Variants in MIPOL1 observed in about 807,000 individuals in gnomAD.
MIPOL1 encodes the protein mirror-image polydactyly gene 1 protein.
In MIPOL1, 57 loss-of-function variants were observed where a neutral mutation model predicts 60.9. The observed-to-expected ratio is 0.94, with a 90% CI of 0.76 to 1.17. The LOEUF is 1.17. Among genes scored for constraint, MIPOL1 ranks in the 50% most tolerant of loss-of-function variants. MIPOL1 has a pLI of 0.00. For missense variants in MIPOL1, 551 were observed against 511.6 expected, an observed-to-expected ratio of 1.08 and a Z score of -0.74; for synonymous variants, 179 against 168.8, an observed-to-expected ratio of 1.06 and a Z score of -0.47.
chr14:37,318,266 C>G (rs2088149427), intron 9 of MIPOL1, among the ~76,000 whole-genome samples: 1 of 152,080 alleles, frequency 6.6e-6, no homozygotes, highest in South Asian at 2.1e-4. Context: ...CTTTGTGCTT[C>G]TTATAATTAG....
intron 9 of MIPOL1, among the ~76,000 whole-genome samples, chr14:37,312,303 G>A (rs922962808): frequency 3.3e-5 from 5 of 152,022 alleles, no homozygotes; most frequent in African/African-American, 9.7e-5. Context: ...TAGAGATGGG[G>A]TTTCATCATG....
At position 37,247,727 on chromosome 14, in the gene MIPOL1, A is replaced by G. The variant is rs73254027; in HGVS notation, c.-60-102A>G. 14,617 of 590,426 alleles carry G rather than the reference A, an allele frequency of 0.025. 1,654 individuals are homozygous for G. In the African/African-American group the frequency reaches 0.25, roughly 10 times the overall value. The allele number at this position is 590,426 out of a possible 1,614,324, so 36.6% of individuals were successfully genotyped here. A position where few individuals can be genotyped will look rare whatever the true frequency, so the allele number is the denominator to read the frequency against. ...ATTGTCCCATTGTAAATGTTTTAGA[A>G]AACCATTTATCCTGTAAATTCTCTG... On this transcript the variant is annotated intron_variant, in intron 2 of 12. Transcript: ENST00000684589.
chr14:37,327,673 C>T (rs1484218537), intron 9 of MIPOL1, among the ~76,000 whole-genome samples: 1 of 152,196 alleles, frequency 6.6e-6, no homozygotes, highest in Non-Finnish European at 1.5e-5. Context: ...TTGAAGTTGA[C>T]AGGGTCTCTA....
chr14:37,227,561 G>A (rs1969950914), intron 1 of MIPOL1, among the ~76,000 whole-genome samples: 1 of 152,020 alleles, frequency 6.6e-6, no homozygotes, highest in African/African-American at 2.4e-5. Flanking sequence ...TGAGTCTCAG[G>A]CACCACAGAA....
intron 10 of MIPOL1, chr14:37,399,942 A>T (rs985624809): frequency 6.6e-6 from 1 of 152,140 alleles, no homozygotes; most frequent in African/African-American, 2.4e-5. Flanking sequence ...AGCATGATTG[A>T]TCACCCACTG....
At chr14:37,452,026 A>G (rs528395037) in intron 11 of MIPOL1, among the ~76,000 whole-genome samples, 4 of 151,602 alleles carry the variant, frequency 2.6e-5, no homozygotes, top group East Asian at 2.0e-4. Context: ...CGTGTTAGCC[A>G]GGATGGTCTC....
At chr14:37,462,456 G>A (rs143587038) in intron 11 of MIPOL1, among the ~76,000 whole-genome samples, 2,490 of 152,314 alleles carry the variant, frequency 0.016, 27 homozygotes, top group Middle Eastern at 0.048. Flanking sequence ...TTGTCTTGGG[G>A]ATTAACATTT....
At chr14:37,459,937 T>C (rs1195645373) in intron 11 of MIPOL1, among the ~76,000 whole-genome samples, 1 of 152,002 alleles carries the variant, frequency 6.6e-6, no homozygotes, top group East Asian at 1.9e-4. Context: ...TAGCCGGGCA[T>C]GGTGGCTGGC....
At chr14:37,365,085 C>G (rs971662666) in intron 9 of MIPOL1, among the ~76,000 whole-genome samples, 1 of 152,098 alleles carries the variant, frequency 6.6e-6, no homozygotes, top group African/African-American at 2.4e-5. Context: ...TTTATCAATT[C>G]TAACAGTTTT....
intron 9 of MIPOL1, among the ~76,000 whole-genome samples, chr14:37,331,553 G>T (rs1175663783): frequency 4.2e-5 from 6 of 141,706 alleles, no homozygotes; most frequent in Non-Finnish European, 6.2e-5. Context: ...TTACATTCTT[G>T]TTTTTTTTTT....
rs138014918 is a variant in MIPOL1 at position 37,289,318 on chromosome 14, A to G, written c.623+3871A>G. ...GTGGACACCAGCTGAGTGTCCTCCA[A>G]TTAAATTCTGACACTATCTACCTGG... is the stretch of plus-strand genomic sequence containing the variant. On this transcript the variant is annotated intron_variant, in intron 7 of 12. Transcript: ENST00000684589. 6.8e-4 allele frequency among the ~76,000 whole-genome samples: 103 copies of G among 152,302 alleles called. No individual in the cohort carries two copies. The Middle Eastern group carries it at 0.027, about 40-fold the overall frequency.
At position 37,251,553 on chromosome 14, in the gene MIPOL1, GA is replaced by G. The variant is rs760782391; in HGVS notation, c.19+3657del. Among the ~76,000 whole-genome samples the G allele has an allele frequency of 6.8e-3, 936 of 137,708 alleles. 7 individuals are homozygous for G. The highest frequency in any genetic ancestry group is 0.024 in the East Asian group (118 of 4,830). The allele number at this position is 137,708 out of a possible 152,430, so 90.3% of individuals were successfully genotyped here. On this transcript the variant is annotated intron_variant, in intron 3 of 12. Coordinates refer to ENST00000684589, the MANE Select transcript of MIPOL1 (RefSeq NM_001388067.1). ...AACTTCTATTTAAGGGTTCTCTTTT[GA>G]AAAAAAAAAAGGAAAAAATGAAATG... is the stretch of plus-strand genomic sequence containing the variant.
intron 9 of MIPOL1, among the ~76,000 whole-genome samples, chr14:37,351,377 A>G (rs955349148): frequency 6.8e-6 from 1 of 147,558 alleles, no homozygotes; most frequent in Non-Finnish European, 1.5e-5. Context: ...ATACGTGTGC[A>G]TGTGTCTTTA....
At chr14:37,378,162 T>C (rs2153506149) in intron 10 of MIPOL1, among the ~76,000 whole-genome samples, 1 of 152,228 alleles carries the variant, frequency 6.6e-6, no homozygotes, top group Admixed American at 6.6e-5. Context: ...ATACTTACCA[T>C]ATAACCCAGC....
chr14:37,269,070 A>G (rs1467559480), intron 5 of MIPOL1, among the ~76,000 whole-genome samples: 1 of 152,068 alleles, frequency 6.6e-6, no homozygotes, highest in Non-Finnish European at 1.5e-5. Flanking sequence ...AAAAAGATTC[A>G]AGTTTTAGTA....
intron 9 of MIPOL1, among the ~76,000 whole-genome samples, chr14:37,342,164 C>T (rs1388807897): frequency 6.6e-6 from 1 of 151,900 alleles, no homozygotes; most frequent in Non-Finnish European, 1.5e-5. Context: ...AAGTTCAAGA[C>T]CAGCCTGGGC....
At chr14:37,526,477 C>T (rs1172475949) in intron 12 of MIPOL1, among the ~76,000 whole-genome samples, 1 of 150,124 alleles carries the variant, frequency 6.7e-6, no homozygotes, top group Admixed American at 6.7e-5. Context: ...TTACGCCATT[C>T]TCCTGCCTCA....
rs550182819 is a variant in MIPOL1, at chr14:37,218,476, C to T, written c.-199+20372C>T. On this transcript the variant is annotated intron_variant, in intron 1 of 12. Coordinates refer to ENST00000684589, the MANE Select transcript of MIPOL1 (RefSeq NM_001388067.1). ...GTGCTGGGATCACAGACGTGAGCCACTGCGCCTGGCCGATTTTATCTCTTA... is the reference window on the plus strand; with the variant it reads ...GTGCTGGGATCACAGACGTGAGCCATTGCGCCTGGCCGATTTTATCTCTTA... Among the ~76,000 whole-genome samples the T allele has an allele frequency of 5.4e-4, 82 of 152,252 alleles. No individual in the cohort carries two copies. In the Middle Eastern group the frequency reaches 0.01, roughly 19 times the overall value.
intron 11 of MIPOL1, among the ~76,000 whole-genome samples, chr14:37,424,335 A>C (rs1016547908): frequency 6.6e-6 from 1 of 152,128 alleles, no homozygotes. Flanking sequence ...GTGTCCCCAT[A>C]AAAAGGGGAA....
Sources: allele counts gnomAD v4.1 joint callset (sites outside exome capture counted in the v4.1 genomes callset), GRCh38; gene constraint gnomAD v4.1.1; transcripts MANE v1.5; gene names NCBI Gene and HGNC (gene_info 2026-07-23, HGNC 2026-07-21).